The following ZFR2 variants were observed in gnomAD, a reference collection of about 807,000 sequenced individuals.
ZFR2 encodes the protein zinc finger RNA binding protein 2, also known as zinc finger RNA-binding protein 2.
ZFR2 carries 104 observed loss-of-function variants against 105.7 expected under a neutral mutation model. That is an observed-to-expected ratio of 0.98 (90% CI 0.84 to 1.16). ZFR2 has a LOEUF of 1.16. Among genes scored for constraint, ZFR2 ranks in the 50% most tolerant of loss-of-function variants. The pLI, the probability that ZFR2 is intolerant of heterozygous loss-of-function variation, is 0.00. For missense variants in ZFR2, 1,425 were observed against 1,355.5 expected, an observed-to-expected ratio of 1.05 and a Z score of -0.80; for synonymous variants, 634 against 597.7, an observed-to-expected ratio of 1.06 and a Z score of -0.89.
chr19:3,811,199 G>A (rs1201052826), intron 15 of ZFR2, 73 bp downstream of exon 15: 2 of 1,415,082 alleles, frequency 1.4e-6, no homozygotes, highest in South Asian at 1.4e-5. Context: ...GCCGCGCCGG[G>A]TTGACCTGGT....
At position 3,862,125 on chromosome 19, in the gene ZFR2, A is replaced by G. The variant is rs116829744; in HGVS notation, c.53+6840T>C. On this transcript the variant is annotated intron_variant, in intron 1 of 18. Coordinates refer to ENST00000262961, the MANE Select transcript of ZFR2 (RefSeq NM_015174.2). ...GACTGTTTTCCAGGGCCATTTGAAA[A>G]TGCTTTTAAATCTGATGTATTTGTT... Among the ~76,000 whole-genome samples the G allele has an allele frequency of 8.4e-3, 1,275 of 152,268 alleles. 16 individuals carry two copies. The highest frequency in any genetic ancestry group is 0.029 in the African/African-American group (1,220 of 41,548).
In ZFR2 at chr19:3,838,855, G is replaced by C. The variant is rs1384149766; in HGVS notation, c.54-3872C>G. 6.6e-6 allele frequency among the ~76,000 whole-genome samples: 1 copy of C among 152,200 alleles called. No individual in the cohort carries two copies. Among genetic ancestry groups the C allele is most frequent in the African/African-American group, 2.4e-5 (1 of 41,450 alleles). ...CTCCCTGGTCCCGATGCCCTGAGAT[G>C]CAGGACCAGCTGCAGCTGCCCAGCT... On this transcript the variant is annotated intron_variant, in intron 1 of 18. Coordinates refer to ENST00000262961, the MANE Select transcript of ZFR2 (RefSeq NM_015174.2). This position sits in a 1 kb window ranked among gnomAD's most constrained non-coding sequence, Gnocchi z 4.9.
Position 3,804,837 on chromosome 19 carries a change from A to T in ZFR2, c.*1112T>A, listed in dbSNP as rs1227075442. Reference sequence around the variant, plus strand: ...GGCCTGCCCACGTGATTTCAAATCCATGCCGCAGCCGCATCCAAAGAAAGT... The same window carrying T: ...GGCCTGCCCACGTGATTTCAAATCCTTGCCGCAGCCGCATCCAAAGAAAGT... On this transcript the variant is annotated 3_prime_UTR_variant, in exon 19 of 19. Coordinates refer to ENST00000262961, the MANE Select transcript of ZFR2 (RefSeq NM_015174.2). 1 of 153,078 alleles carries T rather than the reference A, an allele frequency of 6.5e-6. No individual in the cohort carries two copies. The highest frequency in any genetic ancestry group is 1.9e-4 in the East Asian group (1 of 5,212). 9.5% of individuals were successfully genotyped at this position (153,078 alleles called of 1,614,324 possible). A position where few individuals can be genotyped will look rare whatever the true frequency, so the allele number is the denominator to read the frequency against.
chr19:3,833,120 G>A (rs558241361), intron 3 of ZFR2, among the ~76,000 whole-genome samples: 10 of 151,804 alleles, frequency 6.6e-5, no homozygotes, highest in East Asian at 5.9e-4. Context: ...ATGGTGGCGC[G>A]TGCCTGCAGT....
At position 3,841,254 on chromosome 19, in the gene ZFR2, C is replaced by T. The variant is rs576435636; in HGVS notation, c.54-6271G>A. 6.6e-5 allele frequency among the ~76,000 whole-genome samples: 10 copies of T among 152,352 alleles called. No individual in the cohort carries two copies. The South Asian group carries it at 2.1e-3, about 32-fold the overall frequency. ...ACCCTCCTGTTGGGAACACGGCCGG[C>T]AACGGGTCTTGGAGAGGAGGCCTCA... On this transcript the variant is annotated intron_variant, in intron 1 of 18. Transcript: ENST00000262961.
In ZFR2 at chr19:3,834,625, G is replaced by T; in HGVS notation, c.264+148C>A. On this transcript the variant is annotated intron_variant, in intron 2 of 18. Coordinates refer to ENST00000262961, the MANE Select transcript of ZFR2 (RefSeq NM_015174.2). This position sits in a 1 kb window ranked among gnomAD's most constrained non-coding sequence, Gnocchi z 5.3. ...TCTGCCCTGATTTCTCCCCACCACG[G>T]GTACGCAATGCCAGCAGAAGGGTCC... 1 of 859,620 alleles carries T rather than the reference G, an allele frequency of 1.2e-6. No individual in the cohort carries two copies. Among genetic ancestry groups the T allele is most frequent in the Non-Finnish European group, 1.8e-6 (1 of 548,294 alleles). The allele number at this position is 859,620 out of a possible 1,614,324, so 53.2% of individuals were successfully genotyped here.
intron 5 of ZFR2, among the ~76,000 whole-genome samples, chr19:3,827,968 G>A (rs993348423): frequency 7.1e-6 from 1 of 140,508 alleles, no homozygotes; most frequent in Admixed American, 7.2e-5. Context: ...CTACAGGCGG[G>A]TGCCACCACA....
chr19:3,841,751 G>A (rs781300812), intron 1 of ZFR2, among the ~76,000 whole-genome samples: 11 of 151,894 alleles, frequency 7.2e-5, no homozygotes, highest in Non-Finnish European at 1.3e-4. Context: ...GCTGCAGTGA[G>A]CCATGATTGC....
In ZFR2 at chr19:3,827,508, G is replaced by A; in HGVS notation, c.998C>T (p.Ala333Val). 1 of 1,555,816 alleles carries A rather than the reference G, an allele frequency of 6.4e-7. No individual in the cohort carries two copies. The highest frequency in any genetic ancestry group is 8.7e-7 in the Non-Finnish European group (1 of 1,150,556). ...LCAVSCTGAD[A>V]YAAHIRGSKH... ...GGATCCCCGGATGTGGGCCGCGTAG[G>A]CGTCCGCCCCGGTGCAGGACACGGC... The change falls in exon 6 of 19, where the codon GCC becomes GTC. Residue 333 changes from alanine (A) to valine (V), a missense_variant. Coordinates refer to ENST00000262961, the MANE Select transcript of ZFR2 (RefSeq NM_015174.2).
chr19:3,840,388 C>T (rs2038123024), intron 1 of ZFR2, among the ~76,000 whole-genome samples: 1 of 152,016 alleles, frequency 6.6e-6, no homozygotes, highest in Non-Finnish European at 1.5e-5. Flanking sequence ...TAGGCACCTA[C>T]CATCATGCCG....
intron 3 of ZFR2, 43 bp from the exon 4 acceptor site, chr19:3,831,921 C>A: frequency 6.9e-7 from 1 of 1,459,314 alleles, no homozygotes; most frequent in East Asian, 2.4e-5. Flanking sequence ...AACCCCCACC[C>A]CACTGTCCCT....
chr19:3,814,225 T>C (rs1276780491), intron 13 of ZFR2, among the ~76,000 whole-genome samples: 1 of 152,130 alleles, frequency 6.6e-6, no homozygotes, highest in Non-Finnish European at 1.5e-5. Context: ...ATACCTGTAA[T>C]TCAATAACAA....
intron 4 of ZFR2, 40 bp downstream of exon 4, chr19:3,831,619 AC>A: frequency 2.0e-6 from 3 of 1,520,370 alleles, no homozygotes; most frequent in Non-Finnish European, 2.7e-6. Context: ...TGAAGTGGGG[AC>A]CGACGGGCAG....
chr19:3,825,773 ACT>A (rs1363288876), intron 6 of ZFR2, among the ~76,000 whole-genome samples: 13 of 151,716 alleles, frequency 8.6e-5, no homozygotes, highest in Non-Finnish European at 1.5e-4. Flanking sequence ...ACTGCCCGGG[ACT>A]CAGCATGTGT....
intron 1 of ZFR2, among the ~76,000 whole-genome samples, chr19:3,854,105 C>T (rs2038271481): frequency 1.3e-5 from 2 of 149,642 alleles, no homozygotes; most frequent in Admixed American, 6.6e-5. Flanking sequence ...TGTGCCCTGA[C>T]ACAGGCAGGG....
At chr19:3,811,511 G>C in intron 14 of ZFR2, 145 bp from the exon 15 acceptor site, 1 of 705,992 alleles carries the variant, frequency 1.4e-6, no homozygotes, top group South Asian at 1.8e-5. Flanking sequence ...CTGGAGTGCA[G>C]TGGCATGATC....
rs956757039 is a variant in ZFR2, at chr19:3,819,301, G to A, written c.1741-66C>T. The A allele has an allele frequency of 5.7e-5, 74 of 1,306,414 alleles. 1 individual carries two copies. The South Asian group carries it at 8.5e-4, about 15-fold the overall frequency. The allele number at this position is 1,306,414 out of a possible 1,614,324, so 80.9% of individuals were successfully genotyped here. A position where few individuals can be genotyped will look rare whatever the true frequency, so the allele number is the denominator to read the frequency against. ...GACCCTTGGGGAGTGCTGGGCAGGC[G>A]GGCAGGTGGGGGCAGGTGGCCGTGG... is the stretch of plus-strand genomic sequence containing the variant. On this transcript the variant is annotated intron_variant, in intron 11 of 18. Transcript: ENST00000262961.
Position 3,805,785 on chromosome 19 carries a change from C to A in ZFR2, c.*164G>T. On this transcript the variant is annotated 3_prime_UTR_variant, in exon 19 of 19. Coordinates refer to ENST00000262961, the MANE Select transcript of ZFR2 (RefSeq NM_015174.2). The stretch of plus-strand genomic sequence containing the variant: ...GTGCTGGGATTAAAGGCATGAGCCA[C>A]AGTGCCCGGTCTGAAGCACAGGTGT... 3 of 826,104 alleles carry A rather than the reference C, an allele frequency of 3.6e-6. No individual in the cohort carries two copies. The highest frequency in any genetic ancestry group is 4.4e-5 in the South Asian group (2 of 45,252). 51.2% of individuals were successfully genotyped at this position (826,104 alleles called of 1,614,324 possible).
rs750729565 is a variant in ZFR2, at chr19:3,813,874, C to T, written c.2188G>A (p.Val730Ile). The stretch of plus-strand genomic sequence containing the variant: ...AGAGGTGAGGTGACAGATATGGTGA[C>T]CTGCATCCTGGGCTCCTCACAGGAG... ...ISSCEEPRMQ[V>I]TISVTSPLMR... The change falls in exon 14 of 19, where the codon GTC becomes ATC. Residue 730 changes from valine to isoleucine, a missense_variant. Coordinates refer to ENST00000262961, the MANE Select transcript of ZFR2 (RefSeq NM_015174.2). This position sits in a 1 kb window ranked among gnomAD's most constrained non-coding sequence, Gnocchi z 4.4. 4 of 1,613,772 alleles carry T rather than the reference C, an allele frequency of 2.5e-6. No individual in the cohort carries two copies. In the African/African-American group the frequency reaches 5.3e-5, roughly 22 times the overall value.
Sources: allele counts gnomAD v4.1 joint callset (sites outside exome capture counted in the v4.1 genomes callset), GRCh38; gene constraint gnomAD v4.1.1; non-coding constraint Gnocchi (gnomAD v3.1); transcripts MANE v1.5; gene names NCBI Gene and HGNC (gene_info 2026-07-23, HGNC 2026-07-21).